FAM210A: variants seen among roughly 807,000 people sequenced by gnomAD.
FAM210A encodes the protein family with sequence similarity 210 member A.
A neutral mutation model predicts 25.3 loss-of-function variants in FAM210A; 13 were observed. The ratio of observed to expected loss-of-function variants is 0.51; its 90% CI spans 0.33 to 0.82. The LOEUF (loss-of-function observed/expected upper bound fraction) is 0.82, where lower values mean the gene tolerates loss of function less well. FAM210A is among the 40% of genes least tolerant of loss of function. FAM210A has a pLI of 0.02. For missense variants in FAM210A, 319 were observed against 323.2 expected (o/e 0.99, Z 0.10); for synonymous variants, 125 against 118.7 (o/e 1.05, Z -0.35).
intron 2 of FAM210A, among the ~76,000 whole-genome samples, chr18:13,673,355 GATT>G (rs201241171): frequency 0.022 from 2,901 of 133,146 alleles, 185 homozygotes; most frequent in African/African-American, 0.083. Flanking sequence ...CCAGTTTCCT[GATT>G]ATTAACATTC....
intron 1 of FAM210A, among the ~76,000 whole-genome samples, chr18:13,703,902 G>A (rs1486838688): frequency 6.6e-6 from 1 of 152,140 alleles, no homozygotes; most frequent in Admixed American, 6.5e-5. Context: ...CAGATATTAG[G>A]TTTCCTAAAT....
chr18:13,679,221 C>T (rs1055678190), intron 2 of FAM210A, among the ~76,000 whole-genome samples: 5 of 152,200 alleles, frequency 3.3e-5, no homozygotes, highest in African/African-American at 1.2e-4. Context: ...GGCATGATGT[C>T]AAATGCCCAT....
At chr18:13,708,847 C>G (rs2043800854) in intron 1 of FAM210A, among the ~76,000 whole-genome samples, 2 of 139,870 alleles carry the variant, frequency 1.4e-5, no homozygotes, top group Non-Finnish European at 3.3e-5. Flanking sequence ...TCAAATCTAA[C>G]AGTTTCTCCT....
chr18:13,719,897 AT>A (rs1374448741), intron 1 of FAM210A, among the ~76,000 whole-genome samples: 2 of 152,200 alleles, frequency 1.3e-5, no homozygotes, highest in Non-Finnish European at 2.9e-5. Flanking sequence ...GTATCATCTC[AT>A]TTATTCTATA....
At chr18:13,695,624 AAAC>A (rs887007249) in intron 1 of FAM210A, among the ~76,000 whole-genome samples, 2 of 151,802 alleles carry the variant, frequency 1.3e-5, no homozygotes, top group Non-Finnish European at 2.9e-5. Flanking sequence ...ACAGAAAACC[AAAC>A]ATCACATGTT....
At chr18:13,683,771 C>T (rs1189820271) in intron 1 of FAM210A, among the ~76,000 whole-genome samples, 3 of 152,266 alleles carry the variant, frequency 2.0e-5, no homozygotes, top group South Asian at 2.1e-4. Context: ...TGAGAACAGA[C>T]ACTTTAACTA....
chr18:13,682,612 TAA>T (rs1357089899), intron 1 of FAM210A, among the ~76,000 whole-genome samples: 1 of 151,636 alleles, frequency 6.6e-6, no homozygotes, highest in East Asian at 1.9e-4. Flanking sequence ...CCCACGCCTG[TAA>T]TCCCAGAATT....
chr18:13,712,320 ACAACAGAG>A (rs1346941911), intron 1 of FAM210A, among the ~76,000 whole-genome samples: 1 of 152,216 alleles, frequency 6.6e-6, no homozygotes, highest in Non-Finnish European at 1.5e-5. Flanking sequence ...GAACCAGAAA[ACAACAGAG>A]CAATTAATGC....
chr18:13,668,111 A>T lies in FAM210A; in HGVS notation c.586-1398T>A, dbSNP rs139835574. ...GTGTGTTGTATAACAAAACTTTGAA[A>T]GAGCTGTCTGCTCTATCTCTAATTT... On this transcript the variant is annotated intron_variant, in intron 3 of 3. Transcript: ENST00000651643. 6.7e-4 allele frequency among the ~76,000 whole-genome samples: 102 copies of T among 152,354 alleles called. 1 individual carries two copies. Among genetic ancestry groups the T allele is most frequent in the African/African-American group, 2.3e-3 (97 of 41,590 alleles).
intron 1 of FAM210A, among the ~76,000 whole-genome samples, chr18:13,690,991 G>A (rs914449706): frequency 6.6e-5 from 10 of 152,172 alleles, no homozygotes; most frequent in Admixed American, 3.3e-4. Context: ...CCATCGCAAA[G>A]AAGCTAAAAA....
intron 1 of FAM210A, among the ~76,000 whole-genome samples, chr18:13,686,826 G>A (rs1623712): frequency 0.92 from 140,439 of 152,306 alleles, 64,796 homozygotes; most frequent in East Asian, 0.97. Flanking sequence ...CCAGGCTGAG[G>A]TTGATTAGTG....
chr18:13,691,231 A>G (rs544845465), intron 1 of FAM210A, among the ~76,000 whole-genome samples: 1 of 152,332 alleles, frequency 6.6e-6, no homozygotes, highest in South Asian at 2.1e-4. Context: ...ACATGAAGAA[A>G]TCCTCCAAGA....
intron 3 of FAM210A, among the ~76,000 whole-genome samples, chr18:13,671,653 C>T (rs1364008504): frequency 6.7e-6 from 1 of 148,188 alleles, no homozygotes; most frequent in African/African-American, 2.5e-5. Context: ...GGCATCACTG[C>T]ACTCCAGCCT....
At chr18:13,674,104 A>G (rs79944094) in intron 2 of FAM210A, among the ~76,000 whole-genome samples, 3 of 124,128 alleles carry the variant, frequency 2.4e-5, no homozygotes, top group African/African-American at 3.1e-5. Flanking sequence ...CTTTATTTCC[A>G]GTTTCCTGAT....
At chr18:13,690,043 G>A (rs539863897) in intron 1 of FAM210A, among the ~76,000 whole-genome samples, 17 of 152,152 alleles carry the variant, frequency 1.1e-4, no homozygotes, top group Admixed American at 2.0e-4. Flanking sequence ...GTGGAAAATC[G>A]GGACTCTCCC....
At chr18:13,667,728 CAAAACAAAAA>C (rs2043412542) in intron 3 of FAM210A, among the ~76,000 whole-genome samples, 1 of 151,568 alleles carries the variant, frequency 6.6e-6, no homozygotes. Context: ...CAAAACAAAA[CAAAACAAAAA>C]ACATAGGTGT....
chr18:13,675,978 G>GCC (rs2043495459), intron 2 of FAM210A, among the ~76,000 whole-genome samples: 1 of 44,860 alleles, frequency 2.2e-5, no homozygotes. Context: ...CTGAGCCGTG[G>GCC]TAACTTCTTT....
chr18:13,707,956 T>A (rs1320453941), intron 1 of FAM210A, among the ~76,000 whole-genome samples: 2 of 152,320 alleles, frequency 1.3e-5, no homozygotes, highest in South Asian at 4.1e-4. Context: ...TCTCTCTGAA[T>A]CTGCTGGGAT....
Position 13,682,092 on chromosome 18 carries a change from A to T in FAM210A, c.-15T>A. 6.5e-7 allele frequency: 1 copy of T among 1,548,382 alleles called. No individual in the cohort carries two copies. Among genetic ancestry groups the T allele is most frequent in the Non-Finnish European group, 8.7e-7 (1 of 1,148,912 alleles). ...TTCCATTGCATTTTGAAGAGTGTTG[A>T]TAGGTTTCAGCTTCTACAAAGACAA... On this transcript the variant is annotated 5_prime_UTR_variant, in exon 2 of 4. Transcript: ENST00000651643.
Sources: allele counts gnomAD v4.1 joint callset (sites outside exome capture counted in the v4.1 genomes callset), GRCh38; gene constraint gnomAD v4.1.1; transcripts MANE v1.5; gene names NCBI Gene and HGNC (gene_info 2026-07-23, HGNC 2026-07-21).